The following TNC variants were observed in gnomAD, a reference collection of about 807,000 sequenced individuals.
TNC encodes the protein tenascin.
A neutral mutation model predicts 202.4 loss-of-function variants in TNC; 109 were observed. The ratio of observed to expected loss-of-function variants is 0.54; its 90% CI spans 0.46 to 0.63. The LOEUF (loss-of-function observed/expected upper bound fraction) is 0.63. Ranked by LOEUF, TNC falls within the 30% of genes least tolerant of loss-of-function variation. The probability of loss-of-function intolerance (pLI) is 0.00; values close to 1 mark genes in which losing one functional copy is unlikely to be tolerated. For missense variants in TNC, 2,756 were observed against 2,833.3 expected, an observed-to-expected ratio of 0.97 and a Z score of 0.62; for synonymous variants, 1,007 against 1,089.7, an observed-to-expected ratio of 0.92 and a Z score of 1.50.
chr9:115,103,860 T>C (rs1836417062), intron 1 of TNC, among the ~76,000 whole-genome samples: 1 of 152,178 alleles, frequency 6.6e-6, no homozygotes, highest in African/African-American at 2.4e-5. Flanking sequence ...ACCAACCAAA[T>C]TAAATCCACA....
At position 115,084,341 on chromosome 9, in the gene TNC, G is replaced by A. The variant is rs1834544122; in HGVS notation, c.1999C>T (p.Gln667Ter). 1 of 1,614,076 alleles carries A rather than the reference G, an allele frequency of 6.2e-7. No individual in the cohort carries two copies. The highest frequency in any genetic ancestry group is 8.5e-7 in the Non-Finnish European group (1 of 1,180,040). Residue 667 changes from glutamine to a stop codon, truncating the protein, a stop_gained, in exon 4 of 28, where the codon CAG (glutamine) becomes TAG (stop). Coordinates refer to ENST00000350763, the MANE Select transcript of TNC (RefSeq NM_002160.4). LOFTEE classifies it high-confidence loss of function. ...GTCTGGTCCCCAGGCACACGGAACT[G>A]CATTTCCAGACCACCCTCGTGGGTG... ...TPTHEGGLEM[Q>*]FRVPGDQTST...
At chr9:115,036,389 G>C in intron 20 of TNC, 148 bp from the exon 21 acceptor site, 1 of 863,260 alleles carries the variant, frequency 1.2e-6, no homozygotes, top group Non-Finnish European at 1.8e-6. Flanking sequence ...AATGACTCAC[G>C]CTCTCTTTCT....
chr9:115,025,516 G>T (rs1829408924), intron 26 of TNC, among the ~76,000 whole-genome samples: 1 of 152,114 alleles, frequency 6.6e-6, no homozygotes, highest in African/African-American at 2.4e-5. Context: ...CACCCAAAGT[G>T]GGCATGGGTT....
At position 115,060,020 on chromosome 9, in the gene TNC, A is replaced by C; in HGVS notation, c.4034-18T>G. On this transcript the variant is annotated intron_variant, in intron 13 of 27. Coordinates refer to ENST00000350763, the MANE Select transcript of TNC (RefSeq NM_002160.4). The stretch of plus-strand genomic sequence containing the variant: ...GAGATCCTCTGAAGAAGGACAGAAA[A>C]GTATTTGTCAGTTCTATAAACCAAA... The C allele has an allele frequency of 6.3e-7, 1 of 1,593,880 alleles. No homozygotes were observed. Among genetic ancestry groups the C allele is most frequent in the South Asian group, 1.1e-5 (1 of 88,422 alleles).
intron 15 of TNC, among the ~76,000 whole-genome samples, chr9:115,050,029 C>T (rs1314326984): frequency 6.6e-6 from 1 of 152,038 alleles, no homozygotes; most frequent in African/African-American, 2.4e-5. Flanking sequence ...CTATCAAAAG[C>T]GAGGATGAAA....
chr9:115,027,513 C>T (rs1411142370), intron 25 of TNC, among the ~76,000 whole-genome samples: 1 of 151,958 alleles, frequency 6.6e-6, no homozygotes, highest in Non-Finnish European at 1.5e-5. Context: ...TTGCTTGAAC[C>T]CAGGAGGCAG....
chr9:115,037,613 C>T (rs577213915), intron 20 of TNC, among the ~76,000 whole-genome samples: 6 of 152,068 alleles, frequency 3.9e-5, no homozygotes, highest in Non-Finnish European at 8.8e-5. Context: ...CTGCAGCCTC[C>T]GCCTCCCAGG....
In TNC at chr9:115,021,144, T is replaced by C; in HGVS notation, c.*13A>G. 6.2e-7 allele frequency: 1 copy of C among 1,602,894 alleles called. No individual in the cohort carries two copies. Among genetic ancestry groups the C allele is most frequent in the Non-Finnish European group, 8.5e-7 (1 of 1,170,006 alleles). On this transcript the variant is annotated 3_prime_UTR_variant, in exon 28 of 28. Transcript: ENST00000350763. ...TGGGCCTTATTCCTCTCTCACCCAG[T>C]GGTCCCTGGAATTTATGCCCGTTTG...
Position 115,086,433 on chromosome 9 carries a change from T to G in TNC, c.1298A>C (p.Asp433Ala), listed in dbSNP as rs1313392205. 6.2e-7 allele frequency: 1 copy of G among 1,613,696 alleles called. No individual in the cohort carries two copies. Among genetic ancestry groups the G allele is most frequent in the Non-Finnish European group, 8.5e-7 (1 of 1,180,004 alleles). The change falls in exon 3 of 28, where the codon GAC becomes GCC. Residue 433 changes from aspartate to alanine, a missense_variant. Transcript: ENST00000350763. ...CVCDEGYTGEDCSQLRCPNDC... is the reference protein window; with the variant it reads ...CVCDEGYTGEACSQLRCPNDC... ...ATTGGGGCACCGTAGCTGGCTGCAG[T>G]CCTCCCCAGTATAGCCCTCATCACA... is the stretch of plus-strand genomic sequence containing the variant.
At chr9:115,040,826 T>A in intron 19 of TNC, 115 bp downstream of exon 19, 1 of 1,355,844 alleles carries the variant, frequency 7.4e-7, no homozygotes, top group African/African-American at 1.5e-5. Context: ...CCCCCCTTTT[T>A]TTCCAGCTGC....
chr9:115,085,906 A>C lies in TNC; in HGVS notation c.1825T>G (p.Cys609Gly). The change falls in exon 3 of 28, where the codon TGC becomes GGC. Residue 609 changes from cysteine (C) to glycine (G), a missense_variant. Coordinates refer to ENST00000350763, the MANE Select transcript of TNC (RefSeq NM_002160.4). Reference protein sequence around the residue: ...NNLGQCVSGRCICNEGYSGED... With the variant: ...NNLGQCVSGRGICNEGYSGED... ...CCGCTGTAGCCCTCGTTGCAGATGC[A>C]GCGGCCCGAGACGCATTGTCCTAAG... 6.2e-7 allele frequency: 1 copy of C among 1,612,688 alleles called. No homozygotes were observed. Among genetic ancestry groups the C allele is most frequent in the Non-Finnish European group, 8.5e-7 (1 of 1,178,900 alleles).
At chr9:115,057,501 T>C in intron 14 of TNC, 76 bp from the exon 15 acceptor site, 1 of 1,425,454 alleles carries the variant, frequency 7.0e-7, no homozygotes, top group Non-Finnish European at 9.5e-7. Flanking sequence ...AAGATTGAGG[T>C]TGTTAATAGA....
intron 17 of TNC, among the ~76,000 whole-genome samples, chr9:115,045,141 G>A (rs1226175533): frequency 1.3e-5 from 2 of 152,136 alleles, no homozygotes; most frequent in Admixed American, 6.5e-5. Context: ...AGAAGAGGTT[G>A]AGCTACATCA....
At chr9:115,054,068 C>T (rs1192927953) in intron 15 of TNC, among the ~76,000 whole-genome samples, 1 of 152,108 alleles carries the variant, frequency 6.6e-6, no homozygotes, top group Non-Finnish European at 1.5e-5. Context: ...GTAAGTGCGG[C>T]CCAGACTGTA....
chr9:115,086,405 G>C lies in TNC; in HGVS notation c.1326C>G (p.Asp442Glu). 1.2e-6 allele frequency: 2 copies of C among 1,614,094 alleles called. No homozygotes were observed. Among genetic ancestry groups the C allele is most frequent in the Admixed American group, 3.3e-5 (2 of 60,022 alleles). ...CGACACAGCGGCCCCGACTGTGACA[G>C]TCATTGGGGCACCGTAGCTGGCTGC... ...EDCSQLRCPNDCHSRGRCVEG... is the reference protein window; with the variant it reads ...EDCSQLRCPNECHSRGRCVEG... The change falls in exon 3 of 28, where the codon GAC becomes GAG. Residue 442 changes from aspartate (D) to glutamate (E), a missense_variant. Transcript: ENST00000350763.
intron 1 of TNC, among the ~76,000 whole-genome samples, chr9:115,109,131 TA>T (rs1272157256): frequency 1.3e-5 from 2 of 152,224 alleles, no homozygotes; most frequent in Admixed American, 1.3e-4. Context: ...AACCCTTTTT[TA>T]GGTGATTCCC....
intron 15 of TNC, chr9:115,052,762 G>A (rs971148609): frequency 1.2e-4 from 84 of 702,370 alleles, no homozygotes; most frequent in Non-Finnish European, 2.0e-4. Flanking sequence ...AGGCAGTGAG[G>A]GGTCTGGTGG....
In TNC at chr9:115,069,774, C is replaced by CCCTTCCTT. The variant is rs1564467746; in HGVS notation, c.3214+3821_3214+3828dup. Among the ~76,000 whole-genome samples the CCCTTCCTT allele has an allele frequency of 2.0e-3, 17 of 8,336 alleles. 2 individuals are homozygous for CCCTTCCTT. The highest frequency in any genetic ancestry group is 0.014 in the South Asian group (2 of 142). 5.5% of individuals were successfully genotyped at this position (8,336 alleles called of 152,430 possible). Reference sequence around the variant, plus strand: ...TCCCTCCCTCCCTCCCTCCCTCCCTCCCTTCCTTCCTTCCTTCCTTCCTTC... The same window carrying CCCTTCCTT: ...TCCCTCCCTCCCTCCCTCCCTCCCTCCCTTCCTTCCTTCCTTCCTTCCTTCCTTCCTTC... On this transcript the variant is annotated intron_variant, in intron 10 of 27. Coordinates refer to ENST00000350763, the MANE Select transcript of TNC (RefSeq NM_002160.4).
At chr9:115,078,260 C>A (rs770137386) in intron 6 of TNC, 48 bp from the exon 7 acceptor site, 2 of 1,554,556 alleles carry the variant, frequency 1.3e-6, no homozygotes, top group East Asian at 2.3e-5. Context: ...GGGCCATTGC[C>A]TGAGGCTTAG....
Sources: gnomAD v4.1 joint callset for allele counts (sites outside exome capture counted in the v4.1 genomes callset) on GRCh38, gnomAD v4.1.1 for gene constraint, MANE v1.5 for transcripts, NCBI Gene and HGNC (gene_info 2026-07-23, HGNC 2026-07-21) for gene names.